Variants in PTPRN2 observed in about 807,000 individuals in gnomAD.
The protein encoded by PTPRN2 is receptor-type tyrosine-protein phosphatase N2.
PTPRN2 carries 74 observed loss-of-function variants against 118.8 expected under a neutral mutation model. That is an observed-to-expected ratio of 0.62 (90% CI 0.52 to 0.76). PTPRN2 has a LOEUF of 0.76. Among genes scored for constraint, PTPRN2 ranks in the 30% least tolerant of loss-of-function variants. The pLI, the probability that PTPRN2 is intolerant of heterozygous loss-of-function variation, is 0.00. For missense variants in PTPRN2, 1,481 were observed against 1,394.4 expected (o/e 1.06, Z -0.99); for synonymous variants, 641 against 608.0 (o/e 1.05, Z -0.80).
At chr7:157,952,051 A>G (rs1800847252) in intron 11 of PTPRN2, among the ~76,000 whole-genome samples, 1 of 152,288 alleles carries the variant, frequency 6.6e-6, no homozygotes, top group Non-Finnish European at 1.5e-5. Context: ...GTCTAGCTCC[A>G]GGTGCCTGCT....
chr7:157,638,236 T>C (rs903337962), intron 14 of PTPRN2, among the ~76,000 whole-genome samples: 12 of 152,156 alleles, frequency 7.9e-5, no homozygotes, highest in African/African-American at 2.7e-4. Flanking sequence ...GGTCAGTCTA[T>C]GTGCGAGACA....
chr7:157,826,753 T>C (rs1042130795), intron 12 of PTPRN2, among the ~76,000 whole-genome samples: 28 of 152,144 alleles, frequency 1.8e-4, no homozygotes, highest in Non-Finnish European at 1.5e-5. Flanking sequence ...GGAGTCCTGA[T>C]TGCAGAGGGT....
intron 11 of PTPRN2, among the ~76,000 whole-genome samples, chr7:157,928,893 G>A (rs1029216720): frequency 6.6e-6 from 1 of 151,450 alleles, no homozygotes; most frequent in Non-Finnish European, 1.5e-5. Context: ...AGGGAGGGCA[G>A]CACAGAAGGC....
chr7:158,425,960 C>A (rs544390999), intron 2 of PTPRN2, among the ~76,000 whole-genome samples: 7 of 131,550 alleles, frequency 5.3e-5, no homozygotes, highest in Non-Finnish European at 9.5e-5. Context: ...GGGAAAGACG[C>A]AGAGTCCGAG....
chr7:158,287,239 G>A (rs1327925277), intron 3 of PTPRN2, among the ~76,000 whole-genome samples: 1 of 151,758 alleles, frequency 6.6e-6, no homozygotes, highest in Non-Finnish European at 1.5e-5. Context: ...TTAGTCTAAA[G>A]GTTTTCAATT....
At chr7:158,044,302 G>A (rs954352171) in intron 11 of PTPRN2, among the ~76,000 whole-genome samples, 17 of 152,328 alleles carry the variant, frequency 1.1e-4, no homozygotes, top group Non-Finnish European at 1.0e-4. Flanking sequence ...CCAGCAGACT[G>A]TGGGCGGCCA....
chr7:157,626,746 G>A (rs910814993), intron 14 of PTPRN2, among the ~76,000 whole-genome samples: 3 of 152,084 alleles, frequency 2.0e-5, no homozygotes, highest in Non-Finnish European at 2.9e-5. Context: ...TGCATAATCT[G>A]GAAATCTCTA....
chr7:157,566,585 G>T (rs189200658), intron 21 of PTPRN2, among the ~76,000 whole-genome samples: 11 of 152,286 alleles, frequency 7.2e-5, no homozygotes, highest in African/African-American at 2.6e-4. Flanking sequence ...CAGGAGGAGG[G>T]TCACCAATCT....
chr7:157,576,710 G>A lies in PTPRN2; in HGVS notation c.2686C>T (p.Gln896Ter), dbSNP rs374046398. Residue 896 changes from glutamine to a stop codon, truncating the protein, a stop_gained, in exon 19 of 23, where the codon CAG (glutamine) becomes TAG (stop). Coordinates refer to ENST00000389418, the MANE Select transcript of PTPRN2 (RefSeq NM_002847.5). LOFTEE classifies it high-confidence loss of function. ...LVRSFYLKNL[Q>*]TNETRTVTQF... ...GTCACGGTGCGCGTCTCGTTGGTCT[G>A]CAGGTTCTTCAGATAGAAGCTCCTC... 5 of 1,610,368 alleles carry A rather than the reference G, an allele frequency of 3.1e-6. No homozygotes were observed. The Admixed American group carries it at 6.7e-5, about 22-fold the overall frequency.
chr7:158,176,487 CAGACACCAAACACGCCG>C (rs1424906026), intron 5 of PTPRN2, among the ~76,000 whole-genome samples: 2 of 152,170 alleles, frequency 1.3e-5, no homozygotes, highest in Non-Finnish European at 2.9e-5. Flanking sequence ...TGTCGAGTGA[CAGACACCAAACACGCCG>C]AGTGAACAGA....
intron 14 of PTPRN2, among the ~76,000 whole-genome samples, chr7:157,655,155 T>G (rs1385598340): frequency 6.6e-6 from 1 of 151,690 alleles, no homozygotes; most frequent in African/African-American, 2.4e-5. Context: ...CCCCAGGGAG[T>G]GATGGGAAAA....
chr7:158,329,616 G>A (rs968549555), intron 2 of PTPRN2, among the ~76,000 whole-genome samples: 5 of 152,344 alleles, frequency 3.3e-5, no homozygotes, highest in South Asian at 2.1e-4. Context: ...CCAGCCTTCA[G>A]AACTGAGAAA....
chr7:158,163,997 G>A (rs958794675), intron 6 of PTPRN2, among the ~76,000 whole-genome samples: 3 of 152,252 alleles, frequency 2.0e-5, no homozygotes, highest in Admixed American at 6.5e-5. Context: ...GCACAGTGCA[G>A]TTTGGAAGTC....
chr7:157,830,808 T>C (rs535987219), intron 12 of PTPRN2, among the ~76,000 whole-genome samples: 38 of 152,264 alleles, frequency 2.5e-4, no homozygotes, highest in Admixed American at 3.3e-4. Context: ...TCACCCTTGA[T>C]TGGAATCTGG....
chr7:158,269,859 CAGAG>C (rs535282159), intron 3 of PTPRN2, among the ~76,000 whole-genome samples: 6 of 151,290 alleles, frequency 4.0e-5, no homozygotes, highest in Non-Finnish European at 5.9e-5. Context: ...GACACAGAGA[CAGAG>C]AGAGACAGAA....
At chr7:158,115,535 T>G (rs1032065855) in intron 9 of PTPRN2, among the ~76,000 whole-genome samples, 13 of 152,198 alleles carry the variant, frequency 8.5e-5, no homozygotes, top group East Asian at 3.9e-4. Context: ...GAGGGGCCTA[T>G]GGGAGGTGGT....
Position 157,706,982 on chromosome 7 carries a change from G to A in PTPRN2, c.1789-24045C>T, listed in dbSNP as rs536319828. Reference sequence around the variant, plus strand: ...GTGGAACACATCCTTCCAGAATGCCGGGAACTGAGTGAATCTGACCCCGGT... The same window carrying A: ...GTGGAACACATCCTTCCAGAATGCCAGGAACTGAGTGAATCTGACCCCGGT... On this transcript the variant is annotated intron_variant, in intron 12 of 22. Transcript: ENST00000389418. Among the ~76,000 whole-genome samples, 6 of 152,080 alleles carry A rather than the reference G, an allele frequency of 3.9e-5. No individual in the cohort carries two copies. The South Asian group carries it at 6.2e-4, about 16-fold the overall frequency.
Position 158,131,147 on chromosome 7 carries a change from C to A in PTPRN2, c.1556+2530G>T, listed in dbSNP as rs1200409452. On this transcript the variant is annotated intron_variant, in intron 9 of 22. Transcript: ENST00000389418. The stretch of plus-strand genomic sequence containing the variant: ...TCATACGCACATACACACATACACA[C>A]ACAAATACCCGAAGATGCACATCAT... Among the ~76,000 whole-genome samples, 692 of 74,168 alleles carry A rather than the reference C, an allele frequency of 9.3e-3. 13 individuals carry two copies. The East Asian group carries it at 0.14, about 15-fold the overall frequency. 48.7% of individuals were successfully genotyped at this position (74,168 alleles called of 152,430 possible).
chr7:157,826,995 C>T (rs140199664), intron 12 of PTPRN2, among the ~76,000 whole-genome samples: 108 of 152,262 alleles, frequency 7.1e-4, no homozygotes, highest in African/African-American at 2.5e-3. Context: ...CCTGCATCTC[C>T]GACCGTGTCC....
Sources: gnomAD v4.1 joint callset for allele counts (sites outside exome capture counted in the v4.1 genomes callset) on GRCh38, gnomAD v4.1.1 for gene constraint, MANE v1.5 for transcripts, NCBI Gene and HGNC (gene_info 2026-07-23, HGNC 2026-07-21) for gene names.